Variants in JARID2 observed in about 807,000 individuals in gnomAD.
JARID2 encodes the protein jumonji and AT-rich interaction domain containing 2, also known as protein Jumonji.
Under a neutral mutation model 125.6 loss-of-function variants are expected in JARID2, and 21 were observed. The observed-to-expected ratio is 0.17, with a 90% CI of 0.12 to 0.24. The LOEUF is 0.24. Among genes scored for constraint, JARID2 ranks in the 10% least tolerant of loss-of-function variants. The pLI, the probability that JARID2 is intolerant of heterozygous loss-of-function variation, is 1.00. For missense variants in JARID2, 1,303 were observed against 1,639.6 expected (o/e 0.79, Z 3.55); for synonymous variants, 736 against 661.6 (o/e 1.11, Z -1.73).
intron 1 of JARID2, among the ~76,000 whole-genome samples, chr6:15,335,093 TTTC>T (rs1762833944): frequency 6.6e-6 from 1 of 151,922 alleles, no homozygotes; most frequent in Non-Finnish European, 1.5e-5. Flanking sequence ...CCTCTTTTTT[TTTC>T]TTTTTTCCTC....
At chr6:15,345,884 C>T (rs1245670099) in intron 1 of JARID2, among the ~76,000 whole-genome samples, 2 of 152,154 alleles carry the variant, frequency 1.3e-5, no homozygotes. Context: ...AAGGGAACTG[C>T]CTGGGATTGA....
chr6:15,368,986 G>GGT (rs1483757430), intron 1 of JARID2, among the ~76,000 whole-genome samples: 2 of 151,900 alleles, frequency 1.3e-5, no homozygotes, highest in Non-Finnish European at 2.9e-5. Context: ...GAGTGGTTAA[G>GGT]GTACAGGTGG....
rs564033183 is a variant in JARID2, at chr6:15,361,623, T to C, written c.46-12494T>C. Among the ~76,000 whole-genome samples the C allele has an allele frequency of 1.2e-4, 19 of 152,290 alleles. No homozygotes were observed. The South Asian group carries it at 3.9e-3, about 32-fold the overall frequency. On this transcript the variant is annotated intron_variant, in intron 1 of 17. Transcript: ENST00000341776. ...GTTGTATGTATGCCATACCACCTTT[T>C]TTTTTGGCGGGAGGGTGGGGTCAGT... is the stretch of plus-strand genomic sequence containing the variant.
intron 1 of JARID2, among the ~76,000 whole-genome samples, chr6:15,295,546 A>G (rs1761382918): frequency 6.6e-6 from 1 of 152,212 alleles, no homozygotes. Flanking sequence ...TGTAATGGAA[A>G]GAATACTGCA....
chr6:15,447,247 A>G (rs971707928), intron 3 of JARID2, among the ~76,000 whole-genome samples: 2 of 152,090 alleles, frequency 1.3e-5, no homozygotes, highest in Non-Finnish European at 1.5e-5. Context: ...GCTGGTTTAC[A>G]TTTACTTGAT....
Position 15,480,385 on chromosome 6 carries a change from A to G in JARID2, c.671-6922A>G, listed in dbSNP as rs565084339. On this transcript the variant is annotated intron_variant, in intron 5 of 17. Transcript: ENST00000341776. ...AGGTCATACACTGCATAATTCCAGG[A>G]TATCTTATAACTTTTGCTGGATGCC... is the stretch of plus-strand genomic sequence containing the variant. Among the ~76,000 whole-genome samples the G allele has an allele frequency of 2.0e-5, 3 of 152,234 alleles. 1 individual carries two copies. The highest frequency in any genetic ancestry group is 2.0e-4 in the Admixed American group (3 of 15,300).
intron 1 of JARID2, among the ~76,000 whole-genome samples, chr6:15,257,762 G>C (rs919080501): frequency 6.6e-6 from 1 of 152,118 alleles, no homozygotes; most frequent in African/African-American, 2.4e-5. Flanking sequence ...TGGTTTGTTG[G>C]CTTTTAAAAA....
chr6:15,367,696 T>G (rs1269849121), intron 1 of JARID2, among the ~76,000 whole-genome samples: 1 of 152,168 alleles, frequency 6.6e-6, no homozygotes, highest in East Asian at 1.9e-4. Flanking sequence ...CCTTTGACTC[T>G]AAAGGGAGAA....
At chr6:15,485,614 C>T (rs1769829044) in intron 5 of JARID2, among the ~76,000 whole-genome samples, 1 of 152,114 alleles carries the variant, frequency 6.6e-6, no homozygotes, top group Admixed American at 6.5e-5. Context: ...TAAAACATGT[C>T]ATACTGTAAA....
chr6:15,454,946 G>A (rs1008801781), intron 4 of JARID2, among the ~76,000 whole-genome samples: 1 of 152,168 alleles, frequency 6.6e-6, no homozygotes, highest in African/African-American at 2.4e-5. Flanking sequence ...AGAGTGTGGT[G>A]TGATGATCAG....
intron 3 of JARID2, among the ~76,000 whole-genome samples, chr6:15,413,005 TTTGTTTTTTTTTTTTTTG>T (rs1453177530): frequency 4.6e-4 from 27 of 59,196 alleles, no homozygotes; most frequent in Non-Finnish European, 7.2e-4. Flanking sequence ...AGCTTGTGTT[TTTGTTTTTTTTTTTTTTG>T]TTTTTTTTTT....
chr6:15,284,092 T>A (rs1189792439), intron 1 of JARID2, among the ~76,000 whole-genome samples: 1 of 152,208 alleles, frequency 6.6e-6, no homozygotes, highest in African/African-American at 2.4e-5. Context: ...TTATGGGTTT[T>A]ATGTCTTTGC....
In JARID2 at chr6:15,454,809, T is replaced by G. The variant is rs375717511; in HGVS notation, c.493+2634T>G. ...TTTTACATAGATTTTGGCTGAAAGA[T>G]TCTCCTGATCTTGCATGTTGAGTAT... On this transcript the variant is annotated intron_variant, in intron 4 of 17. Transcript: ENST00000341776. Among the ~76,000 whole-genome samples, 38 of 152,234 alleles carry G rather than the reference T, an allele frequency of 2.5e-4. No individual in the cohort carries two copies. The South Asian group carries it at 6.2e-3, about 25-fold the overall frequency.
intron 1 of JARID2, among the ~76,000 whole-genome samples, chr6:15,311,937 T>G (rs576035533): frequency 9.3e-4 from 142 of 152,324 alleles, no homozygotes; most frequent in African/African-American, 3.0e-3. Context: ...GCATTAACTT[T>G]TATTTAATTT....
At chr6:15,332,398 A>G (rs1762738896) in intron 1 of JARID2, among the ~76,000 whole-genome samples, 1 of 152,234 alleles carries the variant, frequency 6.6e-6, no homozygotes, top group South Asian at 2.1e-4. Context: ...TGTTAACACC[A>G]AATCTTAATT....
chr6:15,444,494 C>T (rs1767580969), intron 3 of JARID2, among the ~76,000 whole-genome samples: 1 of 152,184 alleles, frequency 6.6e-6, no homozygotes, highest in African/African-American at 2.4e-5. Flanking sequence ...CCCCCACAAC[C>T]TCCAGTGCGC....
At chr6:15,388,711 C>G (rs1359592199) in intron 2 of JARID2, among the ~76,000 whole-genome samples, 1 of 151,808 alleles carries the variant, frequency 6.6e-6, no homozygotes, top group Non-Finnish European at 1.5e-5. Context: ...AAACCTGTAC[C>G]CTGCCATTGA....
At chr6:15,504,356 T>A in intron 8 of JARID2, 144 bp from the exon 9 acceptor site, 1 of 627,692 alleles carries the variant, frequency 1.6e-6, no homozygotes, top group Admixed American at 2.6e-5. Flanking sequence ...TTCTTCCTTC[T>A]CTGCCTGTCA....
intron 6 of JARID2, among the ~76,000 whole-genome samples, chr6:15,495,517 A>G (rs1485330537): frequency 6.6e-6 from 1 of 152,208 alleles, no homozygotes; most frequent in South Asian, 2.1e-4. Context: ...GTTTGCAGCC[A>G]CACCTCTGGG....
Sources: gnomAD v4.1 joint callset for allele counts (sites outside exome capture counted in the v4.1 genomes callset) on GRCh38, gnomAD v4.1.1 for gene constraint, MANE v1.5 for transcripts, NCBI Gene and HGNC (gene_info 2026-07-23, HGNC 2026-07-21) for gene names.